Variants in COL25A1 observed in about 807,000 individuals in gnomAD.
The protein encoded by COL25A1 is collagen type XXV alpha 1 chain.
A neutral mutation model predicts 128.4 loss-of-function variants in COL25A1; 103 were observed. That is an observed-to-expected ratio of 0.80 (90% CI 0.68 to 0.94). The LOEUF is 0.94. Among genes scored for constraint, COL25A1 ranks in the 40% least tolerant of loss-of-function variants. The pLI is 0.00. For missense variants in COL25A1, 745 were observed against 840.0 expected (o/e 0.89, Z 1.40); for synonymous variants, 279 against 277.2 (o/e 1.01, Z -0.06).
chr4:109,240,782 A>G (rs1044755413), intron 3 of COL25A1, among the ~76,000 whole-genome samples: 5 of 152,086 alleles, frequency 3.3e-5, no homozygotes, highest in Non-Finnish European at 7.4e-5. Flanking sequence ...AAGTGACCTT[A>G]TAGGTCACTG....
chr4:108,867,013 T>C (rs931060300), intron 20 of COL25A1, among the ~76,000 whole-genome samples: 1 of 152,234 alleles, frequency 6.6e-6, no homozygotes, highest in Non-Finnish European at 1.5e-5. Flanking sequence ...TAGTATCTGT[T>C]ATATGAGTAC....
At chr4:108,884,282 G>GA in intron 18 of COL25A1, 60 bp from the exon 19 acceptor site, 1 of 1,448,120 alleles carries the variant, frequency 6.9e-7, no homozygotes, top group Non-Finnish European at 9.7e-7. Flanking sequence ...AATATGTGGA[G>GA]AAAAACATGG....
intron 3 of COL25A1, among the ~76,000 whole-genome samples, chr4:109,163,334 G>A (rs1283755685): frequency 3.3e-5 from 5 of 152,180 alleles, no homozygotes; most frequent in African/African-American, 7.2e-5. Flanking sequence ...CAGGCTTTAC[G>A]TTGCCAGTTC....
At chr4:108,920,318 T>G (rs1292233664) in intron 12 of COL25A1, among the ~76,000 whole-genome samples, 2 of 152,192 alleles carry the variant, frequency 1.3e-5, no homozygotes, top group Non-Finnish European at 2.9e-5. Context: ...TTACCAGTAT[T>G]TGAATTAAAA....
chr4:109,289,176 G>T lies in COL25A1; in HGVS notation c.367+11407C>A, dbSNP rs184759296. ...CTGTTTTATAACTGTGTAAGTTGTA[G>T]ATAATTAATAGAAAAACAAAATTAC... On this transcript the variant is annotated intron_variant, in intron 3 of 37. Transcript: ENST00000399132. 7.2e-5 allele frequency among the ~76,000 whole-genome samples: 11 copies of T among 152,130 alleles called. No homozygotes were observed. In the East Asian group the frequency reaches 2.1e-3, roughly 29 times the overall value.
chr4:108,877,808 C>T (rs1485120556), intron 19 of COL25A1, among the ~76,000 whole-genome samples: 1 of 152,100 alleles, frequency 6.6e-6, no homozygotes, highest in African/African-American at 2.4e-5. Flanking sequence ...CTAACAATGA[C>T]CATCAAAGGT....
At chr4:109,021,032 T>A (rs891326525) in intron 5 of COL25A1, among the ~76,000 whole-genome samples, 2 of 152,214 alleles carry the variant, frequency 1.3e-5, no homozygotes, top group African/African-American at 4.8e-5. Context: ...ACTCTCTCGA[T>A]GTTGGGCAGC....
chr4:108,889,720 G>T lies in COL25A1; in HGVS notation c.920C>A (p.Ser307Ter). 1 of 1,613,570 alleles carries T rather than the reference G, an allele frequency of 6.2e-7. No individual in the cohort carries two copies. Among genetic ancestry groups the T allele is most frequent in the East Asian group, 2.2e-5 (1 of 44,846 alleles). ...GDTGEKGDPG[S>*]SAAGIKGEPG... Reference sequence around the variant, plus strand: ...AGTTACCTTAATTCCTGCAGCAGATGATCCAGGGTCACCCTAAAACGAAAC... The same window carrying T: ...AGTTACCTTAATTCCTGCAGCAGATTATCCAGGGTCACCCTAAAACGAAAC... The change falls in exon 17 of 38, where the codon TCA (serine) becomes TAA (stop). Residue 307 changes from serine (S) to a stop codon, truncating the protein, a stop_gained. Coordinates refer to ENST00000399132, the MANE Select transcript of COL25A1 (RefSeq NM_198721.4). LOFTEE classifies it high-confidence loss of function.
intron 3 of COL25A1, among the ~76,000 whole-genome samples, chr4:109,164,161 C>G (rs1425297878): frequency 6.6e-6 from 1 of 151,904 alleles, no homozygotes; most frequent in Non-Finnish European, 1.5e-5. Flanking sequence ...CTTGTGCACA[C>G]AATGGAATGT....
At chr4:108,987,370 T>C (rs1300397299) in intron 6 of COL25A1, among the ~76,000 whole-genome samples, 1 of 120,380 alleles carries the variant, frequency 8.3e-6, no homozygotes, top group East Asian at 3.1e-4. Flanking sequence ...ACCTTTCTTT[T>C]TTTTTCTTTT....
At chr4:109,187,970 A>T (rs1421555018) in intron 3 of COL25A1, among the ~76,000 whole-genome samples, 1 of 152,248 alleles carries the variant, frequency 6.6e-6, no homozygotes, top group African/African-American at 2.4e-5. Flanking sequence ...ACACCTATGA[A>T]GGCACCCTCC....
At position 109,045,164 on chromosome 4, in the gene COL25A1, A is replaced by G. The variant is rs369274396; in HGVS notation, c.420+3004T>C. On this transcript the variant is annotated intron_variant, in intron 5 of 37. Coordinates refer to ENST00000399132, the MANE Select transcript of COL25A1 (RefSeq NM_198721.4). ...TTTCTCTAGCTTATTGTAAGAATGC[A>G]GTATGTAATACATACAACATATAAA... Among the ~76,000 whole-genome samples the G allele has an allele frequency of 3.0e-4, 46 of 152,322 alleles. 2 individuals carry two copies. The South Asian group carries it at 9.5e-3, about 32-fold the overall frequency.
At position 109,080,748 on chromosome 4, in the gene COL25A1, T is replaced by C. The variant is rs145561411; in HGVS notation, c.368-30569A>G. On this transcript the variant is annotated intron_variant, in intron 3 of 37. Transcript: ENST00000399132. ...CCTATTTATTACTATTCTTTCACAA[T>C]TGTACATAATTAGATTTTGCCACCT... Among the ~76,000 whole-genome samples, 720 of 152,294 alleles carry C rather than the reference T, an allele frequency of 4.7e-3. 8 individuals are homozygous for C. Among genetic ancestry groups the C allele is most frequent in the Admixed American group, 0.013 (202 of 15,296 alleles).
rs568061048 is a variant in COL25A1, at chr4:108,978,065, C to T, written c.439-3506G>A. Among the ~76,000 whole-genome samples the T allele has an allele frequency of 2.4e-4, 37 of 152,374 alleles. No individual in the cohort carries two copies. The East Asian group carries it at 6.2e-3, about 25-fold the overall frequency. On this transcript the variant is annotated intron_variant, in intron 6 of 37. Coordinates refer to ENST00000399132, the MANE Select transcript of COL25A1 (RefSeq NM_198721.4). ...AACCCTTTTCCTCAAAGTCCAATTA[C>T]TCATGCCAAATCCACGTATCAACTA...
chr4:109,265,919 G>T (rs1781761641), intron 3 of COL25A1, among the ~76,000 whole-genome samples: 1 of 152,076 alleles, frequency 6.6e-6, no homozygotes, highest in Non-Finnish European at 1.5e-5. Context: ...CCTTTCTTTG[G>T]ATTCCTCTCA....
At chr4:108,891,103 T>C (rs952590653) in intron 16 of COL25A1, among the ~76,000 whole-genome samples, 3 of 152,044 alleles carry the variant, frequency 2.0e-5, no homozygotes, top group Non-Finnish European at 4.4e-5. Flanking sequence ...CCCGGGCCCA[T>C]AGTATATGCT....
At chr4:109,121,413 T>G (rs1003134416) in intron 3 of COL25A1, among the ~76,000 whole-genome samples, 3 of 151,822 alleles carry the variant, frequency 2.0e-5, no homozygotes, top group Non-Finnish European at 4.4e-5. Flanking sequence ...TACAAAGAAC[T>G]CCTAAAACTC....
chr4:108,971,648 T>A (rs763660553), intron 8 of COL25A1, among the ~76,000 whole-genome samples: 2 of 152,066 alleles, frequency 1.3e-5, no homozygotes, highest in Non-Finnish European at 2.9e-5. Context: ...GATGAACTGG[T>A]GGGGATGGGC....
intron 3 of COL25A1, among the ~76,000 whole-genome samples, chr4:109,086,662 T>C (rs1252497487): frequency 2.0e-5 from 3 of 152,218 alleles, no homozygotes; most frequent in African/African-American, 7.2e-5. Flanking sequence ...ATCAGTGTTA[T>C]GCCCTGTTTT....
Sources: allele counts gnomAD v4.1 joint callset (sites outside exome capture counted in the v4.1 genomes callset), GRCh38; gene constraint gnomAD v4.1.1; transcripts MANE v1.5; gene names NCBI Gene and HGNC (gene_info 2026-07-23, HGNC 2026-07-21).